The following GNMT variants were observed in gnomAD, a reference collection of about 807,000 sequenced individuals.
GNMT encodes the protein epididymis secretory sperm binding protein Li 182mP.
In GNMT, 26 loss-of-function variants were observed where a neutral mutation model predicts 30.2. The ratio of observed to expected loss-of-function variants is 0.86; its 90% CI spans 0.63 to 1.19. The LOEUF (loss-of-function observed/expected upper bound fraction) is 1.19. GNMT is among the 50% of genes most tolerant of loss of function. The pLI is 0.00. For missense variants in GNMT, 365 were observed against 398.1 expected, an observed-to-expected ratio of 0.92 and a Z score of 0.71; for synonymous variants, 163 against 163.8, an observed-to-expected ratio of 1.00 and a Z score of 0.04.
chr6:42,960,874 G>T lies in GNMT; in HGVS notation c.107G>T (p.Gly36Val). 1 of 1,555,166 alleles carries T rather than the reference G, an allele frequency of 6.4e-7. No homozygotes were observed. ...EAARVWQLYI[G>V]DTRSRTAEYK... ...GCGCGCGTGTGGCAGCTGTATATCG[G>T]AGACACCCGCAGCCGCACCGCCGAG... The change falls in exon 1 of 6, where the codon GGA becomes GTA. Residue 36 changes from glycine (G) to valine (V), a missense_variant. By Grantham distance (109) the Gly-to-Val change is moderately radical (BLOSUM62 -3). Transcript: ENST00000372808.
chr6:42,963,668 C>A lies in GNMT; in HGVS notation c.850C>A (p.Pro284Thr). ...TTACAAGCCAGGCCAAACCTACATT[C>A]CCTGCTACTTCATCCACGTGCTCAA... Reference protein sequence around the residue: ...KPYKPGQTYIPCYFIHVLKRT... With the variant: ...KPYKPGQTYITCYFIHVLKRT... Residue 284 changes from proline (P) to threonine (T), a missense_variant, in exon 6 of 6, where the codon CCC becomes ACC. This residue lies in a region of GNMT where 232 missense variants were observed against 263.0 expected (regional missense o/e 0.88). Coordinates refer to ENST00000372808, the MANE Select transcript of GNMT (RefSeq NM_018960.6). The A allele has an allele frequency of 6.2e-7, 1 of 1,614,176 alleles. No individual in the cohort carries two copies. The highest frequency in any genetic ancestry group is 8.5e-7 in the Non-Finnish European group (1 of 1,180,008).
chr6:42,961,509 G>A (rs1241973731), intron 1 of GNMT, among the ~76,000 whole-genome samples: 1 of 151,524 alleles, frequency 6.6e-6, no homozygotes, highest in Non-Finnish European at 1.5e-5. Flanking sequence ...GGAGCTAACA[G>A]GCCCGGGTTG....
Position 42,963,368 on chromosome 6 carries a change from T to G in GNMT, c.635T>G (p.Val212Gly), listed in dbSNP as rs1769537248. 6.2e-7 allele frequency: 1 copy of G among 1,613,460 alleles called. No homozygotes were observed. The highest frequency in any genetic ancestry group is 2.2e-5 in the East Asian group (1 of 44,864). The change falls in exon 5 of 6, where the codon GTG becomes GGG. Residue 212 changes from valine to glycine, a missense_variant. Transcript: ENST00000372808. ...TKDVTTSVLI[V>G]NNKAHMVTLD... ...GACGTCACAACATCAGTGCTGATAG[T>G]GAACAACAAGGCCCACATGGTGACC...
At chr6:42,961,550 CTT>C (rs575786265) in intron 1 of GNMT, among the ~76,000 whole-genome samples, 326 of 130,614 alleles carry the variant, frequency 2.5e-3, no homozygotes, top group African/African-American at 8.5e-3. Flanking sequence ...CTATTTTTCT[CTT>C]TTTTTTTTTT....
At chr6:42,963,025 G>T (rs769917180) in intron 3 of GNMT, 47 bp from the exon 4 acceptor site, 1 of 1,609,118 alleles carries the variant, frequency 6.2e-7, no homozygotes, top group Admixed American at 1.7e-5. Flanking sequence ...GACTGGTGCT[G>T]GGGGCCCTGA....
chr6:42,963,433 G>A lies in GNMT; in HGVS notation c.700G>A (p.Gly234Ser), dbSNP rs961349985. The change falls in exon 5 of 6, where the codon GGC (glycine) becomes AGC (serine). Residue 234 changes from glycine (G) to serine (S), a missense_variant. This residue lies in a region of GNMT where 232 missense variants were observed against 263.0 expected (regional missense o/e 0.88). Transcript: ENST00000372808. ...TVQVPGAGQD[G>S]SPGLSKFRLS... ...GCAGGTGCCGGGGGCTGGCCAGGATGGCTCTCCTGGCTTGAGGTACCACTT... is the reference window on the plus strand; with the variant it reads ...GCAGGTGCCGGGGGCTGGCCAGGATAGCTCTCCTGGCTTGAGGTACCACTT... The A allele has an allele frequency of 1.2e-6, 2 of 1,613,594 alleles. No individual in the cohort carries two copies. Among genetic ancestry groups the A allele is most frequent in the African/African-American group, 1.3e-5 (1 of 74,682 alleles).
Position 42,961,751 on chromosome 6 carries a change from C to T in GNMT, c.207-461C>T, listed in dbSNP as rs1581748199. 3.9e-5 allele frequency among the ~76,000 whole-genome samples: 6 copies of T among 152,076 alleles called. No homozygotes were observed. In the South Asian group the frequency reaches 1.0e-3, roughly 26 times the overall value. ...TGTATTTTTAGTAGAGACGGGGTTTCGCCGTGTTAGCCAGGATGGTCTCGA... is the reference window on the plus strand; with the variant it reads ...TGTATTTTTAGTAGAGACGGGGTTTTGCCGTGTTAGCCAGGATGGTCTCGA... On this transcript the variant is annotated intron_variant, in intron 1 of 5. Transcript: ENST00000372808.
In GNMT at chr6:42,963,152, C is replaced by T. The variant is rs1254504866; in HGVS notation, c.532C>T (p.Arg178Cys). The T allele has an allele frequency of 9.9e-6, 16 of 1,611,498 alleles. No homozygotes were observed. Among genetic ancestry groups the T allele is most frequent in the Non-Finnish European group, 1.3e-5 (15 of 1,179,754 alleles). The change falls in exon 4 of 6, where the codon CGC becomes TGC. Residue 178 changes from arginine (R) to cysteine (C), a missense_variant. Physicochemically the swap from Arg to Cys is radical, Grantham distance 180. Around this residue, in one of 3 missense-constraint regions of GNMT, gnomAD observed 232 missense variants for 263.0 expected, o/e 0.88. Transcript: ENST00000372808. ...AGGGGGCCTACTGGTCATTGATCAT[C>T]GCAACTACGACCACATCCTCAGTAC... Reference protein sequence around the residue: ...RAGGLLVIDHRNYDHILSTGC... With the variant: ...RAGGLLVIDHCNYDHILSTGC...
At chr6:42,962,111 CTG>C (rs1769426349) in intron 1 of GNMT, 99 bp from the exon 2 acceptor site, 5 of 1,345,020 alleles carry the variant, frequency 3.7e-6, no homozygotes, top group Non-Finnish European at 5.3e-6. Flanking sequence ...GGAACGGACT[CTG>C]AGAAGTAGAG....
At chr6:42,961,126 C>G (rs1769362308) in intron 1 of GNMT, among the ~76,000 whole-genome samples, 153 bp downstream of exon 1, 1 of 152,320 alleles carries the variant, frequency 6.6e-6, no homozygotes, top group East Asian at 1.9e-4. Context: ...CAGGTACCTG[C>G]CCGGCAGAAC....
intron 1 of GNMT, 48 bp from the exon 2 acceptor site, chr6:42,962,164 G>A: frequency 3.1e-6 from 5 of 1,613,238 alleles, no homozygotes; most frequent in Non-Finnish European, 4.2e-6. Context: ...GGCCCTCCCA[G>A]GCTCCCCTAA....
At chr6:42,962,106 G>A (rs559426174) in intron 1 of GNMT, 106 bp from the exon 2 acceptor site, 8 of 1,283,094 alleles carry the variant, frequency 6.2e-6, no homozygotes, top group South Asian at 4.8e-5. Context: ...GCAGAGGAAC[G>A]GACTCTGAGA....
In GNMT at chr6:42,962,342, A is replaced by G. The variant is rs1399386429; in HGVS notation, c.334+3A>G. 1.2e-6 allele frequency: 2 copies of G among 1,613,940 alleles called. No homozygotes were observed. Among genetic ancestry groups the G allele is most frequent in the African/African-American group, 1.3e-5 (1 of 75,028 alleles). ...CGAGCCCGCCTTCGACAAGTGGGGT[A>G]TGCAGGTCTAGCCAGGCTCCCCCAG... On this transcript the variant is annotated splice_donor_region_variant and intron_variant, in intron 2 of 5. Coordinates refer to ENST00000372808, the MANE Select transcript of GNMT (RefSeq NM_018960.6).
Position 42,960,921 on chromosome 6 carries a change from C to T in GNMT, c.154C>T (p.Leu52=). Residue 52 remains leucine, a synonymous_variant, in exon 1 of 6, where the codon CTG becomes TTG. Coordinates refer to ENST00000372808, the MANE Select transcript of GNMT (RefSeq NM_018960.6). ...TAEYKAWLLG[L]LRQHGCQRVL... is the part of the protein sequence containing the mutation. Reference sequence around the variant, plus strand: ...CGAGTACAAGGCATGGCTGCTTGGGCTGCTGCGCCAGCACGGCTGCCAGCG... The same window carrying T: ...CGAGTACAAGGCATGGCTGCTTGGGTTGCTGCGCCAGCACGGCTGCCAGCG... The T allele has an allele frequency of 6.4e-7, 1 of 1,564,462 alleles. No homozygotes were observed. The highest frequency in any genetic ancestry group is 8.6e-7 in the Non-Finnish European group (1 of 1,159,518).
At chr6:42,962,433 TTG>T in intron 2 of GNMT, 94 bp downstream of exon 2, 1 of 1,368,636 alleles carries the variant, frequency 7.3e-7, no homozygotes, top group South Asian at 1.2e-5. Context: ...GGGTGGAGTG[TTG>T]TGTTTTCCTC....
At position 42,963,704 on chromosome 6, in the gene GNMT, T is replaced by C. The variant is rs780244954; in HGVS notation, c.886T>C (p.Ter296ArgextTer49). The C allele has an allele frequency of 1.2e-6, 2 of 1,613,858 alleles. No homozygotes were observed. Among genetic ancestry groups the C allele is most frequent in the African/African-American group, 2.7e-5 (2 of 74,922 alleles). The change falls in exon 6 of 6, where the codon TGA becomes CGA. Residue 296 changes from the stop codon to arginine (R), a stop_lost. Transcript: ENST00000372808. ...CATCCACGTGCTCAAGAGGACAGAC[T>C]GAGTGTGGCCTCAGCTCCCACAAGC... ...YFIHVLKRTD[*>R]
chr6:42,961,012 G>C, intron 1 of GNMT, 39 bp downstream of exon 1: 1 of 1,492,014 alleles, frequency 6.7e-7, no homozygotes, highest in Non-Finnish European at 9.0e-7. Context: ...GCATGAGATC[G>C]GGGTCTGTCT....
In GNMT at chr6:42,963,707, G is replaced by C; in HGVS notation, c.*1G>C. On this transcript the variant is annotated 3_prime_UTR_variant, in exon 6 of 6. Transcript: ENST00000372808. The stretch of plus-strand genomic sequence containing the variant: ...CCACGTGCTCAAGAGGACAGACTGA[G>C]TGTGGCCTCAGCTCCCACAAGCCTC... 6.2e-7 allele frequency: 1 copy of C among 1,613,958 alleles called. No homozygotes were observed. The highest frequency in any genetic ancestry group is 8.5e-7 in the Non-Finnish European group (1 of 1,179,942).
chr6:42,961,789 G>T (rs1390866053), intron 1 of GNMT, among the ~76,000 whole-genome samples: 2 of 152,068 alleles, frequency 1.3e-5, no homozygotes, highest in East Asian at 3.9e-4. Flanking sequence ...TCCTGACCTT[G>T]TGATCTGCCC....
Sources: gnomAD v4.1 joint callset for allele counts (sites outside exome capture counted in the v4.1 genomes callset) on GRCh38, gnomAD v4.1.1 for gene constraint, gnomAD v4.1.1 regional missense constraint, MANE v1.5 for transcripts, NCBI Gene and HGNC (gene_info 2026-07-23, HGNC 2026-07-21) for gene names.